The following HAAO variants were observed in gnomAD, a reference collection of about 807,000 sequenced individuals.
HAAO encodes 3-hydroxyanthranilate oxygenase.
In HAAO, 49 loss-of-function variants were observed where a neutral mutation model predicts 46.2. The observed-to-expected ratio is 1.06, with a 90% CI of 0.84 to 1.34. The LOEUF is 1.34. HAAO is among the 40% of genes most tolerant of loss of function. The pLI is 0.00. For synonymous variants in HAAO, 157 were observed against 145.2 expected (o/e 1.08, Z -0.58); for missense variants, 408 against 364.5 (o/e 1.12, Z -0.97).
chr2:42,781,480 A>G (rs1453104002), intron 4 of HAAO, among the ~76,000 whole-genome samples: 1 of 152,206 alleles, frequency 6.6e-6, no homozygotes, highest in Non-Finnish European at 1.5e-5. Flanking sequence ...TCAATAGCAC[A>G]TATCCATGGC....
At chr2:42,791,330 C>T (rs770738165) in intron 1 of HAAO, among the ~76,000 whole-genome samples, 1 of 152,082 alleles carries the variant, frequency 6.6e-6, no homozygotes, top group African/African-American at 2.4e-5. Flanking sequence ...GGCAGATGGA[C>T]GCGAGACCTC....
At chr2:42,791,210 C>T (rs1390677453) in intron 1 of HAAO, among the ~76,000 whole-genome samples, 3 of 152,170 alleles carry the variant, frequency 2.0e-5, no homozygotes, top group African/African-American at 7.2e-5. Flanking sequence ...GACACAGACA[C>T]ACACACAAGG....
At chr2:42,770,260 C>G in intron 5 of HAAO, 74 bp from the exon 6 acceptor site, 1 of 1,277,826 alleles carries the variant, frequency 7.8e-7, no homozygotes, top group Non-Finnish European at 1.1e-6. Context: ...ACACATACAC[C>G]ACACTCACGG....
chr2:42,774,763 C>T (rs1165167882), intron 4 of HAAO, among the ~76,000 whole-genome samples: 8 of 150,770 alleles, frequency 5.3e-5, no homozygotes, highest in South Asian at 4.2e-4. Flanking sequence ...AGAAGCTGCG[C>T]GATTGTTTGT....
At chr2:42,781,369 AGG>A (rs1397894511) in intron 4 of HAAO, among the ~76,000 whole-genome samples, 1 of 152,134 alleles carries the variant, frequency 6.6e-6, no homozygotes, top group Non-Finnish European at 1.5e-5. Context: ...TTCCCTGTAT[AGG>A]GTTTCTGACC....
chr2:42,785,270 T>A (rs1213623316), intron 2 of HAAO, among the ~76,000 whole-genome samples: 1 of 152,218 alleles, frequency 6.6e-6, no homozygotes, highest in East Asian at 1.9e-4. Context: ...AAAGTAATGC[T>A]AATATAATTA....
At chr2:42,786,166 T>TAA (rs1231297699) in intron 2 of HAAO, among the ~76,000 whole-genome samples, 2 of 151,962 alleles carry the variant, frequency 1.3e-5, no homozygotes, top group African/African-American at 2.4e-5. Flanking sequence ...TTTAAACCCT[T>TAA]ACTGCCTTAC....
chr2:42,781,935 G>C (rs1400721307), intron 4 of HAAO, among the ~76,000 whole-genome samples: 2 of 152,008 alleles, frequency 1.3e-5, no homozygotes, highest in African/African-American at 4.8e-5. Flanking sequence ...GTATAATAAA[G>C]CAAATCAGTC....
chr2:42,781,395 G>A (rs1246327836), intron 4 of HAAO, among the ~76,000 whole-genome samples: 1 of 152,064 alleles, frequency 6.6e-6, no homozygotes, highest in African/African-American at 2.4e-5. Context: ...GGTAAGTAAA[G>A]ACCCTGTCTC....
At chr2:42,788,759 C>G (rs1672574661) in intron 1 of HAAO, 152 bp from the exon 2 acceptor site, 2 of 658,244 alleles carry the variant, frequency 3.0e-6, no homozygotes, top group East Asian at 5.5e-5. Flanking sequence ...AACTCTCATC[C>G]CCGGTTCATG....
At chr2:42,780,774 T>G (rs1330342196) in intron 4 of HAAO, among the ~76,000 whole-genome samples, 2 of 151,732 alleles carry the variant, frequency 1.3e-5, no homozygotes. Context: ...CTTTTAACAA[T>G]TTAATACTCC....
chr2:42,784,152 C>T (rs1012226171), intron 2 of HAAO, among the ~76,000 whole-genome samples: 4 of 152,292 alleles, frequency 2.6e-5, no homozygotes, highest in East Asian at 1.9e-4. Flanking sequence ...GAAATGCTCA[C>T]TGGGGAACTG....
chr2:42,768,246 G>C (rs1395044593), intron 7 of HAAO, among the ~76,000 whole-genome samples: 2 of 152,244 alleles, frequency 1.3e-5, no homozygotes, highest in Non-Finnish European at 2.9e-5. Flanking sequence ...ATTTCCATCA[G>C]CTTCCCAGAG....
At chr2:42,789,050 G>T (rs1240051021) in intron 1 of HAAO, 1 of 191,518 alleles carries the variant, frequency 5.2e-6, no homozygotes, top group Non-Finnish European at 1.1e-5. Context: ...CCCCTGGCTG[G>T]AGGCATGGCT....
At chr2:42,772,307 C>T (rs6739394) in intron 4 of HAAO, among the ~76,000 whole-genome samples, 54,709 of 151,646 alleles carry the variant, frequency 0.36, 10,399 homozygotes, top group East Asian at 0.65. Context: ...ATGGTGAAAC[C>T]TCGTCTCTAC....
At chr2:42,767,733 T>C in intron 8 of HAAO, 56 bp from the exon 9 acceptor site, 2 of 1,548,262 alleles carry the variant, frequency 1.3e-6, no homozygotes, top group East Asian at 2.3e-5. Flanking sequence ...ATCACCTGGG[T>C]GAATGTCTGA....
intron 4 of HAAO, among the ~76,000 whole-genome samples, chr2:42,776,608 T>C (rs949604310): frequency 6.6e-6 from 1 of 151,614 alleles, no homozygotes; most frequent in Non-Finnish European, 1.5e-5. Context: ...AATTTTGTTA[T>C]TTGATTTTTC....
At chr2:42,776,749 A>G (rs1377579987) in intron 4 of HAAO, among the ~76,000 whole-genome samples, 2 of 148,384 alleles carry the variant, frequency 1.3e-5, no homozygotes, top group African/African-American at 5.0e-5. Flanking sequence ...TCTCTGCCTC[A>G]GCCTCCTGAA....
intron 8 of HAAO, 70 bp from the exon 9 acceptor site, chr2:42,767,747 T>C (rs1670774327): frequency 1.9e-6 from 3 of 1,543,602 alleles, no homozygotes; most frequent in Non-Finnish European, 2.7e-6. Flanking sequence ...TGTCTGAGTC[T>C]GCCTGGGCCC....
Sources: gnomAD v4.1 joint callset for allele counts (sites outside exome capture counted in the v4.1 genomes callset) on GRCh38, gnomAD v4.1.1 for gene constraint, MANE v1.5 for transcripts, NCBI Gene and HGNC (gene_info 2026-07-23, HGNC 2026-07-21) for gene names.